Variants in ROR1 observed in about 807,000 individuals in gnomAD.
ROR1 encodes ROR family WNT receptor 1, also known as inactive tyrosine-protein kinase transmembrane receptor ROR1.
ROR1 carries 19 observed loss-of-function variants against 78.8 expected under a neutral mutation model. The observed-to-expected ratio is 0.24, with a 90% confidence interval of 0.17 to 0.35. The LOEUF (loss-of-function observed/expected upper bound fraction) is 0.35. Ranked by LOEUF, ROR1 falls within the 10% of genes least tolerant of loss-of-function variation. ROR1 has a pLI of 1.00. For synonymous variants in ROR1, 386 were observed against 433.6 expected (o/e 0.89, Z 1.36); for missense variants, 917 against 1,177.8 (o/e 0.78, Z 3.24).
chr1:63,806,360 C>T (rs1311569197), intron 1 of ROR1, among the ~76,000 whole-genome samples: 1 of 150,680 alleles, frequency 6.6e-6, no homozygotes, highest in African/African-American at 2.5e-5. Flanking sequence ...CTCTGTCGCC[C>T]AGGCTGGAGT....
chr1:63,954,119 T>G (rs1645962973), intron 1 of ROR1, among the ~76,000 whole-genome samples: 2 of 152,200 alleles, frequency 1.3e-5, no homozygotes, highest in South Asian at 4.1e-4. Context: ...CAGATAACAG[T>G]GACATATGTA....
At chr1:63,893,228 C>T (rs1051389788) in intron 1 of ROR1, among the ~76,000 whole-genome samples, 4 of 152,040 alleles carry the variant, frequency 2.6e-5, no homozygotes, top group Non-Finnish European at 4.4e-5. Flanking sequence ...GGCAGTGAGG[C>T]GTGAAACCTC....
At chr1:63,775,031 C>CGCATCG (rs1292093596) in intron 1 of ROR1, among the ~76,000 whole-genome samples, 1 of 152,010 alleles carries the variant, frequency 6.6e-6, no homozygotes. Flanking sequence ...CCGGCGGCCT[C>CGCATCG]GCATCGCCAC....
chr1:63,982,993 T>G (rs1646222385), intron 1 of ROR1, among the ~76,000 whole-genome samples: 1 of 152,190 alleles, frequency 6.6e-6, no homozygotes, highest in African/African-American at 2.4e-5. Context: ...CTGCCATATA[T>G]AGTATGTACT....
chr1:63,792,367 C>T (rs1409457998), intron 1 of ROR1, among the ~76,000 whole-genome samples: 1 of 152,156 alleles, frequency 6.6e-6, no homozygotes, highest in Admixed American at 6.5e-5. Context: ...CTATTTTTAT[C>T]CTTCCCCCAT....
At chr1:63,842,767 C>T (rs1490037849) in intron 1 of ROR1, among the ~76,000 whole-genome samples, 2 of 151,798 alleles carry the variant, frequency 1.3e-5, no homozygotes, top group African/African-American at 4.8e-5. Flanking sequence ...AACCAGCCAG[C>T]ACAGGGAGGG....
At chr1:63,776,220 G>A (rs1297068281) in intron 1 of ROR1, among the ~76,000 whole-genome samples, 1 of 152,148 alleles carries the variant, frequency 6.6e-6, no homozygotes, top group Non-Finnish European at 1.5e-5. Context: ...CCCTTGTGGG[G>A]GTGGGGGTCA....
At chr1:63,916,291 G>A (rs1026202059) in intron 1 of ROR1, among the ~76,000 whole-genome samples, 2 of 152,128 alleles carry the variant, frequency 1.3e-5, no homozygotes, top group African/African-American at 2.4e-5. Context: ...CGGGCCAGGC[G>A]CCTTCTCAAG....
chr1:63,938,527 C>T (rs1271163068), intron 1 of ROR1, among the ~76,000 whole-genome samples: 2 of 152,034 alleles, frequency 1.3e-5, no homozygotes, highest in East Asian at 1.9e-4. Context: ...CTGAGTGTGC[C>T]CACTTGCTCC....
intron 1 of ROR1, among the ~76,000 whole-genome samples, chr1:64,001,528 G>A (rs895560380): frequency 6.6e-6 from 1 of 152,164 alleles, no homozygotes; most frequent in African/African-American, 2.4e-5. Flanking sequence ...ATAATTCTGT[G>A]AGCTGTTAAC....
At chr1:64,162,524 A>G (rs966230252) in intron 8 of ROR1, among the ~76,000 whole-genome samples, 1 of 152,248 alleles carries the variant, frequency 6.6e-6, no homozygotes, top group Non-Finnish European at 1.5e-5. Context: ...ACGCCGAACA[A>G]TCAGGAAGAT....
At chr1:63,980,930 GA>G (rs1470794022) in intron 1 of ROR1, among the ~76,000 whole-genome samples, 2 of 152,244 alleles carry the variant, frequency 1.3e-5, no homozygotes, top group Non-Finnish European at 2.9e-5. Context: ...AGCACAGACG[GA>G]AAAGCTCCAT....
At chr1:63,835,525 C>T (rs528968278) in intron 1 of ROR1, among the ~76,000 whole-genome samples, 13 of 152,264 alleles carry the variant, frequency 8.5e-5, no homozygotes, top group Admixed American at 2.6e-4. Context: ...TTCCAACAAA[C>T]GTATTTTGAT....
chr1:63,917,867 A>C (rs905721633), intron 1 of ROR1, among the ~76,000 whole-genome samples: 1 of 152,166 alleles, frequency 6.6e-6, no homozygotes, highest in Non-Finnish European at 1.5e-5. Context: ...CTGCAGGCTC[A>C]GTGATGTGGG....
At chr1:63,872,529 A>G (rs1645258597) in intron 1 of ROR1, among the ~76,000 whole-genome samples, 1 of 152,122 alleles carries the variant, frequency 6.6e-6, no homozygotes, top group Non-Finnish European at 1.5e-5. Flanking sequence ...GTAGCTCCTG[A>G]CATATAGTTG....
intron 1 of ROR1, among the ~76,000 whole-genome samples, chr1:63,903,648 T>C (rs1349591923): frequency 6.6e-6 from 1 of 152,128 alleles, no homozygotes; most frequent in Non-Finnish European, 1.5e-5. Flanking sequence ...TTGTTTCTGG[T>C]TTAACTTTAC....
chr1:64,023,037 G>A (rs1189465695), intron 2 of ROR1, among the ~76,000 whole-genome samples: 1 of 152,172 alleles, frequency 6.6e-6, no homozygotes, highest in Admixed American at 6.5e-5. Context: ...GAAGACACGA[G>A]CTCAGGGAAA....
chr1:63,824,992 C>T (rs1569775754), intron 1 of ROR1, among the ~76,000 whole-genome samples: 2 of 151,976 alleles, frequency 1.3e-5, no homozygotes, highest in African/African-American at 2.4e-5. Context: ...CCACTACATA[C>T]CCACAGAATG....
At chr1:64,004,602 C>T (rs1011971553) in intron 1 of ROR1, among the ~76,000 whole-genome samples, 2 of 152,160 alleles carry the variant, frequency 1.3e-5, no homozygotes, top group African/African-American at 4.8e-5. Context: ...TGTAACCTCA[C>T]GCATCACTGA....
Sources: allele counts gnomAD v4.1 joint callset (sites outside exome capture counted in the v4.1 genomes callset), GRCh38; gene constraint gnomAD v4.1.1; transcripts MANE v1.5; gene names NCBI Gene and HGNC (gene_info 2026-07-23, HGNC 2026-07-21).